Variants in FNDC3B observed in about 807,000 individuals in gnomAD.
The protein encoded by FNDC3B is fibronectin type III domain containing 3B.
In FNDC3B, 12 loss-of-function variants were observed where a neutral mutation model predicts 151.5. That is an observed-to-expected ratio of 0.08 (90% CI 0.05 to 0.13). The LOEUF is 0.13. Ranked by LOEUF, FNDC3B falls within the 10% of genes least tolerant of loss-of-function variation. FNDC3B has a pLI of 1.00. For synonymous variants in FNDC3B, 528 were observed against 549.0 expected (o/e 0.96, Z 0.54); for missense variants, 1,214 against 1,505.3 (o/e 0.81, Z 3.20).
chr3:172,102,577 A>G lies in FNDC3B; in HGVS notation c.-28-9875A>G, dbSNP rs999933128. Among the ~76,000 whole-genome samples the G allele has an allele frequency of 2.0e-5, 3 of 152,226 alleles. No homozygotes were observed. The South Asian group carries it at 6.2e-4, about 31-fold the overall frequency. On this transcript the variant is annotated intron_variant, in intron 1 of 25. Transcript: ENST00000415807. ...AGCAGCCATATCATTCATATTATAC[A>G]TAAAGAAACTAAGACACAGAGAGCT...
At chr3:172,045,822 A>AAT (rs1716342822) in intron 1 of FNDC3B, among the ~76,000 whole-genome samples, 1 of 151,054 alleles carries the variant, frequency 6.6e-6, no homozygotes, top group Non-Finnish European at 1.5e-5. Context: ...TTTGCCTTAA[A>AAT]ATATATATTA....
intron 9 of FNDC3B, among the ~76,000 whole-genome samples, chr3:172,304,038 A>G (rs1731068476): frequency 6.6e-6 from 1 of 152,232 alleles, no homozygotes; most frequent in Admixed American, 6.5e-5. Context: ...CATCTGGCCC[A>G]TACAACTGTC....
intron 6 of FNDC3B, among the ~76,000 whole-genome samples, chr3:172,276,894 T>G (rs1729458895): frequency 6.6e-6 from 1 of 152,324 alleles, no homozygotes; most frequent in Admixed American, 6.5e-5. Context: ...AACTAATGCA[T>G]ACTTGGTCCT....
At chr3:172,282,976 A>C (rs1179668524) in intron 6 of FNDC3B, among the ~76,000 whole-genome samples, 3 of 152,266 alleles carry the variant, frequency 2.0e-5, no homozygotes, top group Non-Finnish European at 2.9e-5. Context: ...CTAAGTAAGC[A>C]TAAGTTCCTA....
intron 8 of FNDC3B, among the ~76,000 whole-genome samples, chr3:172,297,456 C>T (rs1011260864): frequency 6.6e-6 from 1 of 151,974 alleles, no homozygotes; most frequent in Non-Finnish European, 1.5e-5. Flanking sequence ...TCTTTCTGTC[C>T]TCAATCCACA....
At chr3:172,334,684 C>T (rs923813223) in intron 14 of FNDC3B, among the ~76,000 whole-genome samples, 3 of 152,190 alleles carry the variant, frequency 2.0e-5, no homozygotes, top group Admixed American at 2.0e-4. Context: ...TCAGGTGATC[C>T]ACCCACTTTG....
At chr3:172,194,312 G>C (rs1724719838) in intron 3 of FNDC3B, among the ~76,000 whole-genome samples, 1 of 152,176 alleles carries the variant, frequency 6.6e-6, no homozygotes, top group African/African-American at 2.4e-5. Flanking sequence ...ATGTGGTTCT[G>C]CTGTTTCGTA....
At chr3:172,122,994 T>C (rs1215411131) in intron 2 of FNDC3B, among the ~76,000 whole-genome samples, 2 of 152,178 alleles carry the variant, frequency 1.3e-5, no homozygotes, top group African/African-American at 4.8e-5. Context: ...GACATGGACT[T>C]GTGTTATTGA....
intron 1 of FNDC3B, among the ~76,000 whole-genome samples, chr3:172,072,709 A>G (rs772078226): frequency 1.8e-4 from 27 of 152,166 alleles, no homozygotes; most frequent in Non-Finnish European, 3.2e-4. Context: ...AGTAAAATGG[A>G]CTTTGTGGGC....
chr3:172,161,799 G>C (rs1161192888), intron 3 of FNDC3B, among the ~76,000 whole-genome samples: 1 of 152,126 alleles, frequency 6.6e-6, no homozygotes, highest in African/African-American at 2.4e-5. Flanking sequence ...CAGTTTTGGA[G>C]CATTTTCATC....
intron 3 of FNDC3B, among the ~76,000 whole-genome samples, chr3:172,187,852 T>G (rs1179037196): frequency 6.6e-6 from 1 of 152,168 alleles, no homozygotes; most frequent in African/African-American, 2.4e-5. Context: ...ATGGCTGGGC[T>G]CAAGCAGTTT....
At chr3:172,130,744 G>C (rs920003670) in intron 2 of FNDC3B, among the ~76,000 whole-genome samples, 1 of 152,152 alleles carries the variant, frequency 6.6e-6, no homozygotes, top group African/African-American at 2.4e-5. Flanking sequence ...TTTCTGAACC[G>C]GTATTCAGGG....
intron 3 of FNDC3B, among the ~76,000 whole-genome samples, chr3:172,136,090 A>G (rs1201846531): frequency 6.6e-6 from 1 of 152,196 alleles, no homozygotes; most frequent in African/African-American, 2.4e-5. Context: ...GGCAGAGTTG[A>G]GTTTTCTTCC....
chr3:172,119,943 T>C (rs1720452966), intron 2 of FNDC3B, among the ~76,000 whole-genome samples: 1 of 152,200 alleles, frequency 6.6e-6, no homozygotes, highest in East Asian at 1.9e-4. Flanking sequence ...AAAAAAGGTG[T>C]GATTTTATCC....
intron 3 of FNDC3B, among the ~76,000 whole-genome samples, chr3:172,149,806 G>GTTTTTTTTTTTTTGTTTTTT (rs1722116017): frequency 1.9e-5 from 1 of 52,458 alleles, no homozygotes; most frequent in African/African-American, 7.8e-5. Context: ...TATGTTGGGT[G>GTTTTTTTTTTTTTGTTTTTT]TTTTTTTTTT....
chr3:172,304,700 C>T (rs778281535), intron 9 of FNDC3B, among the ~76,000 whole-genome samples: 16 of 152,112 alleles, frequency 1.1e-4, no homozygotes, highest in Non-Finnish European at 2.1e-4. Flanking sequence ...TGTTCAAGAC[C>T]AGCCTGGCCA....
intron 23 of FNDC3B, among the ~76,000 whole-genome samples, chr3:172,370,511 A>G (rs1734834318): frequency 6.6e-6 from 1 of 152,260 alleles, no homozygotes; most frequent in Non-Finnish European, 1.5e-5. Flanking sequence ...TGCATATTCA[A>G]TAAGAAGTCA....
intron 11 of FNDC3B, among the ~76,000 whole-genome samples, chr3:172,313,510 T>C (rs1010430164): frequency 3.4e-4 from 52 of 152,244 alleles, no homozygotes; most frequent in Non-Finnish European, 2.8e-4. Context: ...ATTTTCACTG[T>C]TCATTAATTA....
chr3:172,154,774 C>A (rs960616300), intron 3 of FNDC3B, among the ~76,000 whole-genome samples: 11 of 152,228 alleles, frequency 7.2e-5, no homozygotes, highest in African/African-American at 2.6e-4. Context: ...GGTGTTAGGT[C>A]ATTATGATAA....
Sources: allele counts gnomAD v4.1 joint callset (sites outside exome capture counted in the v4.1 genomes callset), GRCh38; gene constraint gnomAD v4.1.1; transcripts MANE v1.5; gene names NCBI Gene and HGNC (gene_info 2026-07-23, HGNC 2026-07-21).